NRG3: variants seen among roughly 807,000 people sequenced by gnomAD.
NRG3 encodes the protein neuregulin 3.
In NRG3, 31 loss-of-function variants were observed where a neutral mutation model predicts 66.9. The ratio of observed to expected loss-of-function variants is 0.46; its 90% CI spans 0.35 to 0.63. The LOEUF (loss-of-function observed/expected upper bound fraction) is 0.63, where lower values mean the gene tolerates loss of function less well. NRG3 is among the 20% of genes least tolerant of loss of function. The probability of loss-of-function intolerance (pLI) is 0.00; values close to 1 mark genes in which losing one functional copy is unlikely to be tolerated. For missense variants in NRG3, 910 were observed against 878.9 expected (o/e 1.04, Z -0.45); for synonymous variants, 393 against 359.4 (o/e 1.09, Z -1.06).
At chr10:81,985,062 A>C (rs2060471498) in intron 1 of NRG3, among the ~76,000 whole-genome samples, 1 of 152,250 alleles carries the variant, frequency 6.6e-6, no homozygotes, top group Non-Finnish European at 1.5e-5. Context: ...ACCAGAGAAC[A>C]GGAAGATAAA....
intron 1 of NRG3, among the ~76,000 whole-genome samples, chr10:82,328,082 T>TG (rs1420417346): frequency 6.6e-5 from 10 of 152,080 alleles, no homozygotes; most frequent in African/African-American, 1.2e-4. Context: ...GCAAGGGTTG[T>TG]GGGGGGGCAC....
At chr10:82,468,780 T>A (rs1840940634) in intron 2 of NRG3, among the ~76,000 whole-genome samples, 2 of 152,160 alleles carry the variant, frequency 1.3e-5, no homozygotes, top group Admixed American at 6.6e-5. Flanking sequence ...GAAGTAGATA[T>A]TCTGATTTGA....
intron 1 of NRG3, among the ~76,000 whole-genome samples, chr10:81,897,480 T>A (rs901942879): frequency 1.2e-4 from 18 of 151,518 alleles, no homozygotes; most frequent in Admixed American, 1.2e-3. Context: ...AAAGAGGACT[T>A]AGATTGAAGG....
chr10:82,390,301 T>A (rs1429035574), intron 2 of NRG3, among the ~76,000 whole-genome samples: 1 of 152,044 alleles, frequency 6.6e-6, no homozygotes, highest in East Asian at 1.9e-4. Context: ...GGGAAAGCCA[T>A]ATTTTACTTG....
intron 1 of NRG3, among the ~76,000 whole-genome samples, chr10:82,132,538 T>TC (rs2068995508): frequency 2.4e-5 from 3 of 127,326 alleles, no homozygotes; most frequent in African/African-American, 9.4e-5. Flanking sequence ...ATATATATGA[T>TC]ATATATATAT....
intron 1 of NRG3, among the ~76,000 whole-genome samples, chr10:82,075,567 G>A (rs919127103): frequency 2.0e-4 from 30 of 152,302 alleles, no homozygotes; most frequent in African/African-American, 7.2e-4. Flanking sequence ...AAAACAGAAA[G>A]TAGTGTGACT....
At chr10:82,364,646 T>C (rs565747812) in intron 2 of NRG3, among the ~76,000 whole-genome samples, 1 of 152,342 alleles carries the variant, frequency 6.6e-6, no homozygotes, top group South Asian at 2.1e-4. Flanking sequence ...AGGATGTGTC[T>C]CTTCTGAACT....
intron 2 of NRG3, among the ~76,000 whole-genome samples, chr10:82,551,499 A>C (rs1298574955): frequency 6.6e-6 from 1 of 152,062 alleles, no homozygotes; most frequent in African/African-American, 2.4e-5. Context: ...TTTGCATTGG[A>C]AGCAAATTCC....
At chr10:82,468,646 G>A (rs937017675) in intron 2 of NRG3, among the ~76,000 whole-genome samples, 4 of 152,182 alleles carry the variant, frequency 2.6e-5, no homozygotes, top group African/African-American at 9.7e-5. Context: ...TGTGAGGAGG[G>A]TGTTGAATTA....
intron 2 of NRG3, among the ~76,000 whole-genome samples, chr10:82,721,987 C>G (rs2057347727): frequency 6.6e-6 from 1 of 151,386 alleles, no homozygotes; most frequent in Non-Finnish European, 1.5e-5. Context: ...GTTACCCAAA[C>G]TCTAGCCAGT....
In NRG3 at chr10:82,304,983, CTTTTTTTTTTTT is replaced by C. The variant is rs760661674; in HGVS notation, c.824-53738_824-53727del. Among the ~76,000 whole-genome samples, 111 of 73,864 alleles carry C rather than the reference CTTTTTTTTTTTT, an allele frequency of 1.5e-3. 1 individual carries two copies. The highest frequency in any genetic ancestry group is 5.9e-3 in the African/African-American group (93 of 15,734). 48.5% of individuals were successfully genotyped at this position (73,864 alleles called of 152,430 possible). On this transcript the variant is annotated intron_variant, in intron 1 of 8. Coordinates refer to ENST00000372141, the MANE Select transcript of NRG3 (RefSeq NM_001010848.4). Reference sequence around the variant, plus strand: ...ATGTTTATTAAGTCATCAGATTCCTCTTTTTTTTTTTTTTTTTTTTTTTTTTTTTGAGACAGA... The same window carrying C: ...ATGTTTATTAAGTCATCAGATTCCTCTTTTTTTTTTTTTTTTTGAGACAGA...
At chr10:81,921,777 T>C (rs778871698) in intron 1 of NRG3, among the ~76,000 whole-genome samples, 3 of 152,122 alleles carry the variant, frequency 2.0e-5, no homozygotes, top group Non-Finnish European at 4.4e-5. Flanking sequence ...GTTCTGACTG[T>C]TTTCACTTCT....
intron 1 of NRG3, among the ~76,000 whole-genome samples, chr10:82,327,818 C>T (rs1023120939): frequency 5.3e-5 from 8 of 152,230 alleles, no homozygotes; most frequent in African/African-American, 1.4e-4. Context: ...GCTGAAAGTC[C>T]GAGATCAAGG....
At chr10:82,125,958 T>C (rs1004357543) in intron 1 of NRG3, among the ~76,000 whole-genome samples, 100 of 152,048 alleles carry the variant, frequency 6.6e-4, no homozygotes, top group African/African-American at 2.3e-3. Context: ...TCAAAAGGCC[T>C]GTAGGGAGAA....
At chr10:82,225,605 C>G (rs2076130638) in intron 1 of NRG3, 2 of 152,036 alleles carry the variant, frequency 1.3e-5, no homozygotes, top group South Asian at 4.2e-4. Flanking sequence ...TCCTCACACA[C>G]AAACATCTAG....
intron 2 of NRG3, among the ~76,000 whole-genome samples, chr10:82,647,775 T>C (rs535165800): frequency 6.6e-6 from 1 of 152,288 alleles, no homozygotes; most frequent in South Asian, 2.1e-4. Context: ...CATTTTTTCA[T>C]GTGTTTTTTG....
At chr10:82,283,748 G>A (rs1435645727) in intron 1 of NRG3, among the ~76,000 whole-genome samples, 1 of 152,080 alleles carries the variant, frequency 6.6e-6, no homozygotes, top group Non-Finnish European at 1.5e-5. Flanking sequence ...GTGTCTCCGT[G>A]TTCTACCATT....
At chr10:82,681,143 A>G (rs923458653) in intron 2 of NRG3, among the ~76,000 whole-genome samples, 4 of 152,250 alleles carry the variant, frequency 2.6e-5, no homozygotes, top group African/African-American at 7.2e-5. Flanking sequence ...ATGTGAGGAA[A>G]AAAAACTGCC....
chr10:82,603,413 A>G (rs771365773), intron 2 of NRG3, among the ~76,000 whole-genome samples: 1 of 152,218 alleles, frequency 6.6e-6, no homozygotes, highest in East Asian at 1.9e-4. Flanking sequence ...CACAAAGGCA[A>G]GAGTCTCAAA....
Sources: gnomAD v4.1 joint callset for allele counts (sites outside exome capture counted in the v4.1 genomes callset) on GRCh38, gnomAD v4.1.1 for gene constraint, MANE v1.5 for transcripts, NCBI Gene and HGNC (gene_info 2026-07-23, HGNC 2026-07-21) for gene names.